TG: variants seen among roughly 807,000 people sequenced by gnomAD.
The protein encoded by TG is thyroid hormones.
In TG, 270 loss-of-function variants were observed where a neutral mutation model predicts 324.7. The ratio of observed to expected loss-of-function variants is 0.83; its 90% CI spans 0.75 to 0.92. The LOEUF (loss-of-function observed/expected upper bound fraction) is 0.92. TG is among the 40% of genes least tolerant of loss of function. The pLI, the probability that TG is intolerant of heterozygous loss-of-function variation, is 0.00. For synonymous variants in TG, 1,401 were observed against 1,327.0 expected, an observed-to-expected ratio of 1.06 and a Z score of -1.21; for missense variants, 3,591 against 3,456.4, an observed-to-expected ratio of 1.04 and a Z score of -0.98.
intron 41 of TG, chr8:133,047,567 G>A (rs1188414516): frequency 2.0e-6 from 1 of 502,020 alleles, no homozygotes; most frequent in Non-Finnish European, 3.6e-6. Context: ...CTCAGTTGCT[G>A]GAAAAATTTC....
At chr8:132,956,752 T>A (rs1436823080) in intron 27 of TG, among the ~76,000 whole-genome samples, 4 of 151,978 alleles carry the variant, frequency 2.6e-5, no homozygotes, top group Non-Finnish European at 5.9e-5. Context: ...TCTTTCAGGA[T>A]GAGTACCTGG....
intron 41 of TG, among the ~76,000 whole-genome samples, chr8:133,080,593 T>G (rs536655151): frequency 6.6e-6 from 1 of 152,282 alleles, no homozygotes; most frequent in Admixed American, 6.5e-5. Flanking sequence ...CAGGACCATC[T>G]TCATCCCTTT....
intron 24 of TG, among the ~76,000 whole-genome samples, chr8:132,935,262 T>C (rs1403925592): frequency 6.6e-6 from 1 of 151,786 alleles, no homozygotes; most frequent in East Asian, 1.9e-4. Flanking sequence ...CGCCTCAGCC[T>C]CCTGAGTAGC....
At position 133,096,963 on chromosome 8, in the gene TG, A is replaced by G. The variant is rs200845879; in HGVS notation, c.7572+590A>G. Among the ~76,000 whole-genome samples, 232 of 152,302 alleles carry G rather than the reference A, an allele frequency of 1.5e-3. 3 individuals are homozygous for G. The highest frequency in any genetic ancestry group is 5.2e-3 in the African/African-American group (215 of 41,556). On this transcript the variant is annotated intron_variant, in intron 43 of 47. Coordinates refer to ENST00000220616, the MANE Select transcript of TG (RefSeq NM_003235.5). ...CTCTCGCCAGAAGTTACAGCCACTC[A>G]CTAGGATGTGGCTAACCCTGGAAGA... is the stretch of plus-strand genomic sequence containing the variant.
At chr8:132,911,163 G>A (rs930702368) in intron 18 of TG, among the ~76,000 whole-genome samples, 3 of 152,154 alleles carry the variant, frequency 2.0e-5, no homozygotes, top group African/African-American at 7.2e-5. Context: ...TTATACTTCT[G>A]TACACCATGT....
chr8:133,078,519 C>T (rs748362711), intron 41 of TG, among the ~76,000 whole-genome samples: 8 of 152,228 alleles, frequency 5.3e-5, no homozygotes, highest in Non-Finnish European at 8.8e-5. Context: ...ATCAAGAAGT[C>T]TCGAGTCCAA....
chr8:132,965,426 GA>G (rs1465534869), intron 29 of TG, among the ~76,000 whole-genome samples: 2 of 152,212 alleles, frequency 1.3e-5, no homozygotes, highest in African/African-American at 4.8e-5. Flanking sequence ...GCACTACAAG[GA>G]AAGTGCAGGG....
intron 40 of TG, 71 bp from the exon 41 acceptor site, chr8:133,029,750 G>C (rs1587806474): frequency 2.5e-6 from 4 of 1,598,082 alleles, no homozygotes; most frequent in Non-Finnish European, 2.6e-6. Flanking sequence ...GCCTGCCATA[G>C]ACAGCACCAT....
At chr8:132,942,692 G>A (rs1260326522) in intron 26 of TG, among the ~76,000 whole-genome samples, 1 of 152,144 alleles carries the variant, frequency 6.6e-6, no homozygotes, top group Non-Finnish European at 1.5e-5. Context: ...AGCACTACTC[G>A]GCATCAGGCT....
At chr8:133,067,030 C>T (rs957420029) in intron 41 of TG, among the ~76,000 whole-genome samples, 4 of 152,304 alleles carry the variant, frequency 2.6e-5, no homozygotes, top group African/African-American at 9.6e-5. Flanking sequence ...TACCCAGTAC[C>T]GGCACAATTG....
At chr8:132,906,973 G>A in intron 17 of TG, 73 bp downstream of exon 17, 1 of 1,472,098 alleles carries the variant, frequency 6.8e-7, no homozygotes, top group Non-Finnish European at 9.2e-7. Context: ...AGATATGGAG[G>A]CGTGGCTGCT....
chr8:132,883,130 C>T lies in TG; in HGVS notation c.1075+131C>T, dbSNP rs1025601603. 4 of 938,558 alleles carry T rather than the reference C, an allele frequency of 4.3e-6. 1 individual carries two copies. In the African/African-American group the frequency reaches 6.7e-5, roughly 16 times the overall value. The allele number at this position is 938,558 out of a possible 1,614,324, so 58.1% of individuals were successfully genotyped here. On this transcript the variant is annotated intron_variant, in intron 8 of 47. Transcript: ENST00000220616. ...TGCCCCTCTGGCCCTTCAAGCTCAA[C>T]CTGTCTGAGAACCAGTTTATCATCA...
intron 45 of TG, among the ~76,000 whole-genome samples, chr8:133,131,140 C>G (rs75057105): frequency 6.6e-6 from 1 of 152,242 alleles, no homozygotes; most frequent in Non-Finnish European, 1.5e-5. Flanking sequence ...CTTTTCCACT[C>G]TACCACTCTC....
chr8:133,026,278 C>A (rs1317417986), intron 40 of TG, among the ~76,000 whole-genome samples: 1 of 152,240 alleles, frequency 6.6e-6, no homozygotes, highest in Non-Finnish European at 1.5e-5. Flanking sequence ...TCCAGAGGTA[C>A]TTTGTGAAAG....
intron 29 of TG, 92 bp from the exon 30 acceptor site, chr8:132,966,462 CTCTCTG>C (rs760945079): frequency 1.1e-5 from 15 of 1,362,250 alleles, no homozygotes; most frequent in Admixed American, 5.5e-5. Context: ...CTCTGTCTCT[CTCTCTG>C]TGTGTGTGTG....
chr8:132,959,700 T>C (rs1827477434), intron 27 of TG, among the ~76,000 whole-genome samples: 1 of 152,146 alleles, frequency 6.6e-6, no homozygotes, highest in Non-Finnish European at 1.5e-5. Context: ...ATAGATGGGG[T>C]TTGAATTCTT....
intron 35 of TG, chr8:133,002,074 T>C (rs1213180353): frequency 1.0e-6 from 1 of 985,308 alleles, no homozygotes; most frequent in African/African-American, 1.7e-5. Flanking sequence ...ATGGGATGGG[T>C]CTGTGATTAT....
chr8:132,961,754 G>T (rs1827791980), intron 28 of TG, among the ~76,000 whole-genome samples: 1 of 107,726 alleles, frequency 9.3e-6, no homozygotes, highest in Non-Finnish European at 1.9e-5. Context: ...TATGTGCTGG[G>T]TGAGAGGCAT....
intron 9 of TG, 78 bp from the exon 10 acceptor site, chr8:132,887,906 A>G (rs1815657247): frequency 1.5e-6 from 2 of 1,323,250 alleles, no homozygotes; most frequent in Non-Finnish European, 2.1e-6. Context: ...GAGTTTGGAC[A>G]GTTAAGTGGT....
Sources: allele counts gnomAD v4.1 joint callset (sites outside exome capture counted in the v4.1 genomes callset), GRCh38; gene constraint gnomAD v4.1.1; transcripts MANE v1.5; gene names NCBI Gene and HGNC (gene_info 2026-07-23, HGNC 2026-07-21).